The following CELF4 variants were observed in gnomAD, a reference collection of about 807,000 sequenced individuals.
The protein encoded by CELF4 is CUGBP Elav-like family member 4.
A neutral mutation model predicts 59.9 loss-of-function variants in CELF4; 18 were observed. The ratio of observed to expected loss-of-function variants is 0.30; its 90% CI spans 0.21 to 0.45. The LOEUF (loss-of-function observed/expected upper bound fraction) is 0.45, where lower values mean the gene tolerates loss of function less well. Among genes scored for constraint, CELF4 ranks in the 20% least tolerant of loss-of-function variants. The pLI, the probability that CELF4 is intolerant of heterozygous loss-of-function variation, is 1.00. For missense variants in CELF4, 456 were observed against 689.0 expected, an observed-to-expected ratio of 0.66 and a Z score of 3.79; for synonymous variants, 261 against 267.1, an observed-to-expected ratio of 0.98 and a Z score of 0.22.
intron 12 of CELF4, among the ~76,000 whole-genome samples, chr18:37,248,125 C>CT (rs201619282): frequency 0.011 from 1,637 of 152,290 alleles, 24 homozygotes; most frequent in Non-Finnish European, 0.018. Context: ...CTAGAGAAGG[C>CT]TGCAAGGGCA....
Position 37,439,719 on chromosome 18 carries a change from G to A in CELF4, c.369+45806C>T, listed in dbSNP as rs111482184. On this transcript the variant is annotated intron_variant, in intron 2 of 12. Coordinates refer to ENST00000420428, the MANE Select transcript of CELF4 (RefSeq NM_020180.4). ...TGGAGCTCCCAGGTAGGAACCAATTGAGTCCCCTCAGGCCGGTGTGGGAGG... is the reference window on the plus strand; with the variant it reads ...TGGAGCTCCCAGGTAGGAACCAATTAAGTCCCCTCAGGCCGGTGTGGGAGG... Among the ~76,000 whole-genome samples, 500 of 152,278 alleles carry A rather than the reference G, an allele frequency of 3.3e-3. 1 individual carries two copies. The highest frequency in any genetic ancestry group is 0.011 in the African/African-American group (472 of 41,562).
At chr18:37,443,197 C>T (rs1603641289) in intron 2 of CELF4, among the ~76,000 whole-genome samples, 1 of 152,154 alleles carries the variant, frequency 6.6e-6, no homozygotes, top group African/African-American at 2.4e-5. Flanking sequence ...AACGCCCTAG[C>T]CTGTCTCTGT....
At chr18:37,371,835 G>A (rs1176969364) in intron 2 of CELF4, among the ~76,000 whole-genome samples, 1 of 152,198 alleles carries the variant, frequency 6.6e-6, no homozygotes, top group Non-Finnish European at 1.5e-5. Context: ...TGACTCAGGG[G>A]CCCAGGAAGA....
intron 3 of CELF4, among the ~76,000 whole-genome samples, chr18:37,310,569 T>A (rs2096608284): frequency 1.3e-5 from 2 of 152,266 alleles, no homozygotes; most frequent in South Asian, 2.1e-4. Flanking sequence ...GCTCAGATCC[T>A]CCTCCCCTCT....
chr18:37,449,064 G>T (rs927379354), intron 2 of CELF4, among the ~76,000 whole-genome samples: 2 of 152,202 alleles, frequency 1.3e-5, no homozygotes, highest in Non-Finnish European at 2.9e-5. Context: ...GAGATGAAAT[G>T]ACTTGCTGAG....
intron 2 of CELF4, among the ~76,000 whole-genome samples, chr18:37,343,176 C>A (rs926546514): frequency 3.9e-5 from 6 of 152,182 alleles, no homozygotes; most frequent in Admixed American, 1.3e-4. Context: ...GTGTCTTCTA[C>A]CCTTACTTTC....
intron 2 of CELF4, among the ~76,000 whole-genome samples, chr18:37,387,624 C>T (rs1163849679): frequency 2.0e-5 from 3 of 152,168 alleles, no homozygotes; most frequent in African/African-American, 7.2e-5. Context: ...TGGTCTGGGG[C>T]TTTTTCTGGC....
intron 1 of CELF4, among the ~76,000 whole-genome samples, chr18:37,500,111 G>A (rs1404416018): frequency 6.6e-6 from 1 of 152,190 alleles, no homozygotes; most frequent in Non-Finnish European, 1.5e-5. Context: ...TCAACAGATG[G>A]AGGTGTGTCT....
chr18:37,365,211 G>A (rs1223594216), intron 2 of CELF4, among the ~76,000 whole-genome samples: 1 of 152,198 alleles, frequency 6.6e-6, no homozygotes, highest in East Asian at 1.9e-4. Context: ...ACAGGCAGCA[G>A]CTGCAGATTC....
chr18:37,358,228 C>G (rs504602), intron 2 of CELF4, among the ~76,000 whole-genome samples: 152,263 of 152,280 alleles, frequency 1, 76,123 homozygotes, highest in Middle Eastern at 1. Context: ...TTGAATCATG[C>G]GGGCAAGTCA....
intron 3 of CELF4, among the ~76,000 whole-genome samples, chr18:37,290,642 G>C (rs2095272154): frequency 6.6e-6 from 1 of 152,092 alleles, no homozygotes; most frequent in Non-Finnish European, 1.5e-5. Flanking sequence ...GTGGTGGGAG[G>C]GAAGCAGGGA....
At chr18:37,458,836 C>A (rs2099785796) in intron 2 of CELF4, among the ~76,000 whole-genome samples, 1 of 152,142 alleles carries the variant, frequency 6.6e-6, no homozygotes, top group Non-Finnish European at 1.5e-5. Flanking sequence ...GTTTGTGGAG[C>A]CTGTTGTTTG....
chr18:37,383,216 C>A (rs2099062011), intron 2 of CELF4, among the ~76,000 whole-genome samples: 2 of 152,098 alleles, frequency 1.3e-5, no homozygotes, highest in African/African-American at 4.8e-5. Flanking sequence ...CCAGGAGGCG[C>A]TGAGAAAGGC....
At chr18:37,411,146 C>T (rs539779096) in intron 2 of CELF4, among the ~76,000 whole-genome samples, 9 of 151,952 alleles carry the variant, frequency 5.9e-5, no homozygotes, top group East Asian at 1.9e-4. Flanking sequence ...TTTGTAGAGA[C>T]GGGTCTCACT....
At chr18:37,388,977 G>T (rs2099128631) in intron 2 of CELF4, among the ~76,000 whole-genome samples, 7 of 152,290 alleles carry the variant, frequency 4.6e-5, no homozygotes, top group Middle Eastern at 3.4e-3. Flanking sequence ...TTCCAGTGAA[G>T]GCTCTCGGAG....
At chr18:37,282,915 C>T (rs949225179) in intron 3 of CELF4, among the ~76,000 whole-genome samples, 7 of 152,146 alleles carry the variant, frequency 4.6e-5, no homozygotes, top group Admixed American at 2.0e-4. Flanking sequence ...GGCTGGGAGC[C>T]GCCTCTGAGG....
intron 1 of CELF4, among the ~76,000 whole-genome samples, chr18:37,512,282 T>G (rs1329114281): frequency 2.0e-5 from 3 of 152,220 alleles, no homozygotes; most frequent in African/African-American, 7.2e-5. Flanking sequence ...GTGCTGAGCG[T>G]GATGGGGCCG....
intron 1 of CELF4, among the ~76,000 whole-genome samples, chr18:37,546,118 T>C (rs2099981340): frequency 6.6e-6 from 1 of 152,168 alleles, no homozygotes; most frequent in African/African-American, 2.4e-5. Context: ...CCCAGGGAGT[T>C]GGACTCATCT....
chr18:37,428,022 A>G lies in CELF4; in HGVS notation c.369+57503T>C, dbSNP rs538439639. ...ATACATGCTTGTGTGCACCTGTTCTATGTGTAGTTTCACCTACCTGCAAGT... is the reference window on the plus strand; with the variant it reads ...ATACATGCTTGTGTGCACCTGTTCTGTGTGTAGTTTCACCTACCTGCAAGT... On this transcript the variant is annotated intron_variant, in intron 2 of 12. Coordinates refer to ENST00000420428, the MANE Select transcript of CELF4 (RefSeq NM_020180.4). Among the ~76,000 whole-genome samples the G allele has an allele frequency of 2.0e-5, 3 of 152,282 alleles. No individual in the cohort carries two copies. The South Asian group carries it at 6.2e-4, about 32-fold the overall frequency.
Sources: allele counts gnomAD v4.1 joint callset (sites outside exome capture counted in the v4.1 genomes callset), GRCh38; gene constraint gnomAD v4.1.1; transcripts MANE v1.5; gene names NCBI Gene and HGNC (gene_info 2026-07-23, HGNC 2026-07-21).